The following FYTTD1 variants were observed in gnomAD, a reference collection of about 807,000 sequenced individuals.
FYTTD1 encodes UAP56-interacting factor.
Under a neutral mutation model 40.9 loss-of-function variants are expected in FYTTD1, and 22 were observed. The ratio of observed to expected loss-of-function variants is 0.54; its 90% CI spans 0.38 to 0.77. The LOEUF is 0.77. Among genes scored for constraint, FYTTD1 ranks in the 30% least tolerant of loss-of-function variants. FYTTD1 has a pLI of 0.00. For missense variants in FYTTD1, 351 were observed against 392.2 expected (o/e 0.90, Z 0.89); for synonymous variants, 140 against 137.9 (o/e 1.01, Z -0.10).
At chr3:197,772,197 C>T (rs779752846) in intron 4 of FYTTD1, among the ~76,000 whole-genome samples, 1 of 152,220 alleles carries the variant, frequency 6.6e-6, no homozygotes, top group Non-Finnish European at 1.5e-5. Flanking sequence ...AGGGGACCTT[C>T]TCAAATAAGA....
At chr3:197,750,773 G>A (rs1729001616) in intron 1 of FYTTD1, 1 of 985,432 alleles carries the variant, frequency 1.0e-6, no homozygotes, top group Non-Finnish European at 1.2e-6. Context: ...GGGGGAGAAA[G>A]CAAACATCTT....
intron 1 of FYTTD1, among the ~76,000 whole-genome samples, chr3:197,753,214 C>T (rs1352080596): frequency 6.6e-6 from 1 of 152,154 alleles, no homozygotes; most frequent in Non-Finnish European, 1.5e-5. Context: ...TTTAATCTTA[C>T]CAGGTTTGCA....
chr3:197,780,603 C>T (rs1324000474), intron 8 of FYTTD1, among the ~76,000 whole-genome samples: 1 of 151,612 alleles, frequency 6.6e-6, no homozygotes, highest in Non-Finnish European at 1.5e-5. Flanking sequence ...AGTGCAGTGG[C>T]ATGATCTTGG....
At chr3:197,773,935 G>A (rs897481811) in intron 5 of FYTTD1, among the ~76,000 whole-genome samples, 3 of 140,868 alleles carry the variant, frequency 2.1e-5, no homozygotes, top group Admixed American at 1.4e-4. Flanking sequence ...TCACGCACAC[G>A]CCCCACTGGG....
At chr3:197,766,799 G>A (rs888060705) in intron 2 of FYTTD1, among the ~76,000 whole-genome samples, 3 of 152,180 alleles carry the variant, frequency 2.0e-5, no homozygotes, top group Non-Finnish European at 2.9e-5. Flanking sequence ...TGTAGTTGCC[G>A]AAAGATTGAC....
chr3:197,775,364 T>C (rs1039210275), intron 6 of FYTTD1, among the ~76,000 whole-genome samples: 1 of 152,154 alleles, frequency 6.6e-6, no homozygotes, highest in Non-Finnish European at 1.5e-5. Context: ...TTTTGGAAAA[T>C]AAAATATATA....
At chr3:197,763,414 CAAAAAA>C in intron 2 of FYTTD1, 1 of 237,870 alleles carries the variant, frequency 4.2e-6, no homozygotes, top group Non-Finnish European at 8.2e-6. Context: ...ACTCTTGTCT[CAAAAAA>C]AAAAAAAAAA....
chr3:197,777,036 C>T (rs1171204707), intron 7 of FYTTD1, 35 bp downstream of exon 7: 4 of 1,242,440 alleles, frequency 3.2e-6, no homozygotes, highest in Middle Eastern at 1.9e-4. Context: ...AAAATTATAA[C>T]CTCTCATTAC....
At chr3:197,773,326 C>A in intron 4 of FYTTD1, 77 bp from the exon 5 acceptor site, 86 of 774,718 alleles carry the variant, frequency 1.1e-4, no homozygotes, top group East Asian at 1.4e-4. Flanking sequence ...ATGAATTTAA[C>A]TATTTTTGCT....
At chr3:197,774,998 AAC>A (rs1399234184) in intron 6 of FYTTD1, among the ~76,000 whole-genome samples, 2 of 152,254 alleles carry the variant, frequency 1.3e-5, no homozygotes, top group Non-Finnish European at 2.9e-5. Flanking sequence ...TCGATATTGT[AAC>A]AGTTTTAGTG....
At chr3:197,764,318 A>G (rs979018742) in intron 2 of FYTTD1, among the ~76,000 whole-genome samples, 1 of 152,212 alleles carries the variant, frequency 6.6e-6, no homozygotes, top group African/African-American at 2.4e-5. Flanking sequence ...TGACAATGAA[A>G]GGGTAAAGAA....
Position 197,782,017 on chromosome 3 carries a change from A to AAT in FYTTD1, c.*110_*111dup, listed in dbSNP as rs80068202. 0.012 allele frequency: 6,210 copies of AAT among 526,698 alleles called. 332 individuals carry two copies. The highest frequency in any genetic ancestry group is 0.12 in the East Asian group (3,567 of 30,976). 32.6% of individuals were successfully genotyped at this position (526,698 alleles called of 1,614,324 possible). On this transcript the variant is annotated 3_prime_UTR_variant, in exon 9 of 9. Coordinates refer to ENST00000241502, the MANE Select transcript of FYTTD1 (RefSeq NM_032288.7). ...TTACTTCAAAATATTCACAAGGCTAAATAACTCTTATTTTTATTTTTGAAG... is the reference window on the plus strand; with the variant it reads ...TTACTTCAAAATATTCACAAGGCTAAATATAACTCTTATTTTTATTTTTGAAG...
upstream of FYTTD1, chr3:197,749,806 G>A (rs915671552): frequency 8.4e-6 from 4 of 475,138 alleles, no homozygotes; most frequent in East Asian, 1.7e-4. Context: ...CTGGTCGCCC[G>A]CGAGTGTCGG....
intron 2 of FYTTD1, 66 bp downstream of exon 2, chr3:197,756,623 G>C: frequency 7.2e-7 from 1 of 1,398,498 alleles, no homozygotes; most frequent in Non-Finnish European, 1.0e-6. Context: ...ACTGTCTTTA[G>C]CATATGCTTA....
At position 197,784,015 on chromosome 3, in the gene FYTTD1, A is replaced by G. The variant is rs1048743901; in HGVS notation, c.*2106A>G. Reference sequence around the variant, plus strand: ...GTGGTCACATATTGTATATAAACAAAACAATATGCTTTGTTGAAGGAAAAT... The same window carrying G: ...GTGGTCACATATTGTATATAAACAAGACAATATGCTTTGTTGAAGGAAAAT... On this transcript the variant is annotated 3_prime_UTR_variant, in exon 9 of 9. Coordinates refer to ENST00000241502, the MANE Select transcript of FYTTD1 (RefSeq NM_032288.7). 1 of 152,652 alleles carries G rather than the reference A, an allele frequency of 6.6e-6. No homozygotes were observed. The highest frequency in any genetic ancestry group is 2.4e-5 in the African/African-American group (1 of 41,460). The allele number at this position is 152,652 out of a possible 1,614,324, so 9.5% of individuals were successfully genotyped here. A position where few individuals can be genotyped will look rare whatever the true frequency, so the allele number is the denominator to read the frequency against.
At chr3:197,757,176 A>G (rs1357348476) in intron 2 of FYTTD1, among the ~76,000 whole-genome samples, 4 of 152,234 alleles carry the variant, frequency 2.6e-5, no homozygotes. Flanking sequence ...AATGCTTTAG[A>G]TATAATGTGG....
chr3:197,762,782 T>C (rs1324130433), intron 2 of FYTTD1, among the ~76,000 whole-genome samples: 2 of 151,942 alleles, frequency 1.3e-5, no homozygotes, highest in Admixed American at 1.3e-4. Flanking sequence ...CTCAGGAGGC[T>C]GAGGCAGGAG....
intron 2 of FYTTD1, among the ~76,000 whole-genome samples, chr3:197,761,280 A>G (rs1422502336): frequency 6.6e-6 from 1 of 151,792 alleles, no homozygotes; most frequent in African/African-American, 2.4e-5. Context: ...TAGAATGTAT[A>G]GAGTTGTTCC....
At chr3:197,775,733 T>A (rs1223829005) in intron 6 of FYTTD1, among the ~76,000 whole-genome samples, 2 of 152,192 alleles carry the variant, frequency 1.3e-5, no homozygotes, top group African/African-American at 2.4e-5. Flanking sequence ...GTGAAACTGA[T>A]ACAGGTGGTA....
Sources: gnomAD v4.1 joint callset for allele counts (sites outside exome capture counted in the v4.1 genomes callset) on GRCh38, gnomAD v4.1.1 for gene constraint, MANE v1.5 for transcripts, NCBI Gene and HGNC (gene_info 2026-07-23, HGNC 2026-07-21) for gene names.